The following COL19A1 variants were observed in gnomAD, a reference collection of about 807,000 sequenced individuals.
COL19A1 encodes the protein collagen alpha-1(XIX) chain.
COL19A1 carries 159 observed loss-of-function variants against 190.2 expected under a neutral mutation model. That is an observed-to-expected ratio of 0.84 (90% CI 0.73 to 0.95). COL19A1 has a LOEUF of 0.95. COL19A1 is among the 40% of genes least tolerant of loss of function. COL19A1 has a pLI of 0.00. For synonymous variants in COL19A1, 509 were observed against 458.9 expected (o/e 1.11, Z -1.39); for missense variants, 1,418 against 1,431.9 (o/e 0.99, Z 0.16).
intron 4 of COL19A1, among the ~76,000 whole-genome samples, chr6:69,921,450 A>ATCATATATATTCATATAT (rs1771870340): frequency 7.7e-5 from 2 of 26,102 alleles, no homozygotes; most frequent in African/African-American, 2.5e-4. Context: ...TATATCATAT[A>ATCATATATATTCATATAT]TCATATATAT....
intron 11 of COL19A1, among the ~76,000 whole-genome samples, chr6:70,010,544 C>T (rs1214672328): frequency 7.0e-6 from 1 of 142,018 alleles, no homozygotes; most frequent in African/African-American, 2.9e-5. Context: ...ATTGCCTCAC[C>T]TGGGAAGCGC....
intron 16 of COL19A1, among the ~76,000 whole-genome samples, chr6:70,105,772 T>A (rs977888921): frequency 3.3e-5 from 5 of 152,198 alleles, no homozygotes; most frequent in Admixed American, 6.5e-5. Context: ...TATGTGAGAA[T>A]CCTGAAGCAT....
Position 70,142,805 on chromosome 6 carries a change from A to C in COL19A1, c.1611A>C (p.Gly537=). 1 of 1,612,486 alleles carries C rather than the reference A, an allele frequency of 6.2e-7. No homozygotes were observed. Among genetic ancestry groups the C allele is most frequent in the Non-Finnish European group, 8.5e-7 (1 of 1,179,064 alleles). ...QGSAGSMGPR[G]PPGDVGLPGE... ...CTGCAGGCTCCATGGGACCCAGAGG[A>C]CCGCCAGGAGATGTTGTATGTATAA... The change falls in exon 23 of 51, where the codon GGA becomes GGC. Residue 537 remains glycine (G), a synonymous_variant. Coordinates refer to ENST00000620364, the MANE Select transcript of COL19A1 (RefSeq NM_001858.6).
chr6:70,047,629 T>C (rs1290319428), intron 14 of COL19A1, among the ~76,000 whole-genome samples: 1 of 152,176 alleles, frequency 6.6e-6, no homozygotes, highest in African/African-American at 2.4e-5. Context: ...TCATCTGTTG[T>C]TAAAACCTTA....
chr6:69,879,698 T>G (rs753682142), intron 2 of COL19A1, 40 bp downstream of exon 2: 6 of 1,559,484 alleles, frequency 3.8e-6, no homozygotes, highest in Non-Finnish European at 5.3e-6. Context: ...CAAATGTTAT[T>G]TATAGCCTTT....
At chr6:69,957,430 C>T (rs546874216) in intron 9 of COL19A1, among the ~76,000 whole-genome samples, 3 of 152,096 alleles carry the variant, frequency 2.0e-5, no homozygotes, top group African/African-American at 4.8e-5. Flanking sequence ...ACCCAGGCAA[C>T]GATACTATCG....
chr6:70,175,081 A>T (rs1328801500), intron 41 of COL19A1, among the ~76,000 whole-genome samples: 1 of 152,214 alleles, frequency 6.6e-6, no homozygotes, highest in African/African-American at 2.4e-5. Flanking sequence ...TAAAAATGAA[A>T]ATTTTGTAAT....
rs79688000 is a variant in COL19A1, at chr6:69,943,013, A to T, written c.936+4913A>T. On this transcript the variant is annotated intron_variant, in intron 9 of 50. Transcript: ENST00000620364. ...AATAGCTATACTAATTTACATTCCC[A>T]CTAAAAGGGTGCAAAAGTTCCCCTT... 1.9e-3 allele frequency among the ~76,000 whole-genome samples: 295 copies of T among 152,094 alleles called. 7 individuals carry two copies. The East Asian group carries it at 0.051, about 27-fold the overall frequency.
chr6:70,119,403 G>A (rs1054227059), intron 16 of COL19A1, among the ~76,000 whole-genome samples: 2 of 152,158 alleles, frequency 1.3e-5, no homozygotes, highest in African/African-American at 4.8e-5. Context: ...ACCAAGCACT[G>A]TGAAGTACCT....
chr6:70,032,859 A>G (rs1183082045), intron 12 of COL19A1, among the ~76,000 whole-genome samples: 1 of 152,178 alleles, frequency 6.6e-6, no homozygotes, highest in East Asian at 1.9e-4. Context: ...ATTCACAGAA[A>G]TGGCAAATTT....
chr6:70,198,128 A>G (rs1442526041), intron 48 of COL19A1, among the ~76,000 whole-genome samples: 1 of 152,250 alleles, frequency 6.6e-6, no homozygotes, highest in Non-Finnish European at 1.5e-5. Context: ...AAACTGAATG[A>G]AAAGACTGGA....
chr6:70,142,040 C>G lies in COL19A1; in HGVS notation c.1536C>G (p.Pro512=). 6.2e-7 allele frequency: 1 copy of G among 1,612,086 alleles called. No individual in the cohort carries two copies. Among genetic ancestry groups the G allele is most frequent in the Non-Finnish European group, 8.5e-7 (1 of 1,178,832 alleles). ...SQGVKGEPGD[P]GPPGLIGSPG... The stretch of plus-strand genomic sequence containing the variant: ...GTGTTTAGGGTGAACCTGGAGATCC[C>G]GGACCCCCTGGTTTAATAGGAAGCC... Residue 512 remains proline (P), a synonymous_variant, in exon 22 of 51, where the codon CCC becomes CCG. Transcript: ENST00000620364.
chr6:70,076,743 G>A (rs768110440), intron 15 of COL19A1, among the ~76,000 whole-genome samples: 1 of 152,182 alleles, frequency 6.6e-6, no homozygotes, highest in Non-Finnish European at 1.5e-5. Flanking sequence ...CTGGTGACAG[G>A]TGTTCTATGA....
chr6:70,121,985 T>G (rs867079825), intron 17 of COL19A1, 43 bp downstream of exon 17: 4 of 1,288,080 alleles, frequency 3.1e-6, no homozygotes, highest in Middle Eastern at 2.6e-4. Context: ...CATAGAAATT[T>G]TATATGATTG....
At chr6:70,093,349 C>G (rs144022456) in intron 15 of COL19A1, among the ~76,000 whole-genome samples, 1 of 152,170 alleles carries the variant, frequency 6.6e-6, no homozygotes, top group African/African-American at 2.4e-5. Context: ...AATTGTTTAG[C>G]CATACCCTAC....
rs115564419 is a variant in COL19A1, at chr6:70,177,569, G to A, written c.2667+1005G>A. On this transcript the variant is annotated intron_variant, in intron 42 of 50. Coordinates refer to ENST00000620364, the MANE Select transcript of COL19A1 (RefSeq NM_001858.6). ...CCATTATAGATCAAGTCAAATATTCGTATGACTGTAAAAGTAGCATGAAAA... is the reference window on the plus strand; with the variant it reads ...CCATTATAGATCAAGTCAAATATTCATATGACTGTAAAAGTAGCATGAAAA... Among the ~76,000 whole-genome samples, 50 of 152,284 alleles carry A rather than the reference G, an allele frequency of 3.3e-4. No homozygotes were observed. In the East Asian group the frequency reaches 8.5e-3, roughly 26 times the overall value.
chr6:70,129,858 A>G (rs1259847175), intron 17 of COL19A1, among the ~76,000 whole-genome samples: 2 of 152,230 alleles, frequency 1.3e-5, no homozygotes, highest in African/African-American at 2.4e-5. Flanking sequence ...GCTCAGATAC[A>G]TGGAGAGGCC....
intron 14 of COL19A1, 74 bp from the exon 15 acceptor site, chr6:70,068,349 A>T: frequency 1.0e-6 from 1 of 983,718 alleles, no homozygotes. Context: ...AATAATTATT[A>T]ATTTTCACAA....
intron 15 of COL19A1, among the ~76,000 whole-genome samples, chr6:70,099,114 G>T (rs1783472522): frequency 6.8e-6 from 1 of 147,778 alleles, no homozygotes; most frequent in African/African-American, 2.5e-5. Context: ...GCCCTGCCTG[G>T]ACCCATAGCT....
Sources: gnomAD v4.1 joint callset for allele counts (sites outside exome capture counted in the v4.1 genomes callset) on GRCh38, gnomAD v4.1.1 for gene constraint, MANE v1.5 for transcripts, NCBI Gene and HGNC (gene_info 2026-07-23, HGNC 2026-07-21) for gene names.